MACROD2: variants seen among roughly 807,000 people sequenced by gnomAD.
MACROD2 encodes mono-ADP ribosylhydrolase 2.
A neutral mutation model predicts 70.4 loss-of-function variants in MACROD2; 36 were observed. The ratio of observed to expected loss-of-function variants is 0.51; its 90% CI spans 0.39 to 0.68. The LOEUF is 0.68. MACROD2 is among the 30% of genes least tolerant of loss of function. The probability of loss-of-function intolerance (pLI) is 0.00; values close to 1 mark genes in which losing one functional copy is unlikely to be tolerated. For synonymous variants in MACROD2, 172 were observed against 178.8 expected (o/e 0.96, Z 0.30); for missense variants, 496 against 538.4 (o/e 0.92, Z 0.78).
intron 8 of MACROD2, among the ~76,000 whole-genome samples, chr20:15,582,434 C>T (rs916567379): frequency 6.6e-6 from 1 of 152,148 alleles, no homozygotes; most frequent in Non-Finnish European, 1.5e-5. Context: ...TTGGCATTTT[C>T]CTTGACCTCA....
chr20:14,672,739 G>T (rs2070809750), intron 4 of MACROD2, among the ~76,000 whole-genome samples: 1 of 152,078 alleles, frequency 6.6e-6, no homozygotes, highest in Non-Finnish European at 1.5e-5. Context: ...TGATTTTAAA[G>T]CCCTTTTAAT....
At chr20:15,844,440 A>G (rs1374367294) in intron 8 of MACROD2, among the ~76,000 whole-genome samples, 1 of 152,094 alleles carries the variant, frequency 6.6e-6, no homozygotes. Context: ...ACATTAATTC[A>G]TTTACTCCCC....
Position 14,273,802 on chromosome 20 carries a change from A to G in MACROD2, c.271+188074A>G, listed in dbSNP as rs561993157. On this transcript the variant is annotated intron_variant, in intron 3 of 17. Transcript: ENST00000684519. ...AATCAAATAGATGCAATAAAAAATG[A>G]TAAAGGGGATATCACCACCGATCCC... Among the ~76,000 whole-genome samples the G allele has an allele frequency of 4.6e-5, 7 of 152,308 alleles. No homozygotes were observed. The South Asian group carries it at 1.5e-3, about 32-fold the overall frequency.
At chr20:15,966,656 C>T (rs1414315071) in intron 12 of MACROD2, among the ~76,000 whole-genome samples, 2 of 152,156 alleles carry the variant, frequency 1.3e-5, no homozygotes, top group Admixed American at 6.5e-5. Context: ...ACAGGAGGAT[C>T]GCTTGAGCCC....
intron 8 of MACROD2, among the ~76,000 whole-genome samples, chr20:15,671,086 T>C (rs73105631): frequency 0.08 from 12,251 of 152,274 alleles, 1,000 homozygotes; most frequent in African/African-American, 0.21. Flanking sequence ...GGCTCTATCA[T>C]GCAATGGTTG....
intron 3 of MACROD2, among the ~76,000 whole-genome samples, chr20:14,313,440 T>G (rs1486300266): frequency 6.6e-6 from 1 of 152,002 alleles, no homozygotes; most frequent in Non-Finnish European, 1.5e-5. Context: ...TCCTTTTTTT[T>G]TTTTTTTTGT....
intron 3 of MACROD2, among the ~76,000 whole-genome samples, chr20:14,402,506 T>A (rs2083648055): frequency 6.6e-6 from 1 of 152,114 alleles, no homozygotes; most frequent in Admixed American, 6.6e-5. Context: ...AATGTATGTG[T>A]GTACGTATGT....
intron 8 of MACROD2, among the ~76,000 whole-genome samples, chr20:15,511,457 A>G (rs892851205): frequency 5.3e-5 from 8 of 152,156 alleles, no homozygotes; most frequent in African/African-American, 1.9e-4. Context: ...GGTCTTTAAA[A>G]AAAGGCCCAG....
chr20:14,491,506 A>G (rs910558202), intron 3 of MACROD2, among the ~76,000 whole-genome samples: 2 of 152,222 alleles, frequency 1.3e-5, no homozygotes, highest in Non-Finnish European at 2.9e-5. Flanking sequence ...CGAAGTTAAA[A>G]TATTACTGGA....
At chr20:15,339,423 A>T (rs1478542435) in intron 6 of MACROD2, among the ~76,000 whole-genome samples, 1 of 151,870 alleles carries the variant, frequency 6.6e-6, no homozygotes, top group Non-Finnish European at 1.5e-5. Context: ...CTGGTAAGTC[A>T]TAAGCCCCAG....
chr20:15,967,201 A>G (rs2066153006), intron 12 of MACROD2, among the ~76,000 whole-genome samples: 1 of 152,196 alleles, frequency 6.6e-6, no homozygotes, highest in African/African-American at 2.4e-5. Context: ...CATTAAGAAC[A>G]TTAAAATTAG....
At chr20:14,643,078 T>G (rs1985183363) in intron 4 of MACROD2, among the ~76,000 whole-genome samples, 1 of 152,150 alleles carries the variant, frequency 6.6e-6, no homozygotes, top group Non-Finnish European at 1.5e-5. Context: ...ATTTTTACTG[T>G]TGCATAACAA....
intron 5 of MACROD2, among the ~76,000 whole-genome samples, chr20:15,134,962 A>G (rs1156935125): frequency 1.3e-5 from 2 of 152,342 alleles, no homozygotes; most frequent in East Asian, 3.9e-4. Flanking sequence ...TAGAAAATCT[A>G]GAAGAAATGG....
chr20:14,875,588 A>T (rs573942034), intron 5 of MACROD2, among the ~76,000 whole-genome samples: 1 of 152,066 alleles, frequency 6.6e-6, no homozygotes, highest in East Asian at 1.9e-4. Context: ...CCATCACCCA[A>T]GTAGTGAGCT....
intron 6 of MACROD2, among the ~76,000 whole-genome samples, chr20:15,309,362 G>A (rs2077729195): frequency 6.6e-6 from 1 of 152,122 alleles, no homozygotes; most frequent in Non-Finnish European, 1.5e-5. Context: ...TCTAGCAGGG[G>A]GAAAGGCAGG....
intron 8 of MACROD2, among the ~76,000 whole-genome samples, chr20:15,533,975 G>A (rs1191299916): frequency 1.3e-5 from 2 of 152,188 alleles, no homozygotes; most frequent in Non-Finnish European, 2.9e-5. Context: ...CCACTTCTTG[G>A]CTATGACACC....
At chr20:15,884,613 C>A (rs994576818) in intron 9 of MACROD2, among the ~76,000 whole-genome samples, 1 of 151,908 alleles carries the variant, frequency 6.6e-6, no homozygotes, top group Non-Finnish European at 1.5e-5. Context: ...AAGAGAGGAG[C>A]AGTTAGGAAA....
chr20:15,117,679 G>GTACAGAGA (rs1360574583), intron 5 of MACROD2, among the ~76,000 whole-genome samples: 2 of 152,218 alleles, frequency 1.3e-5, no homozygotes, highest in Non-Finnish European at 2.9e-5. Flanking sequence ...GATCTAAAAG[G>GTACAGAGA]TACAGAGATA....
chr20:15,305,725 C>T (rs1362678908), intron 6 of MACROD2, among the ~76,000 whole-genome samples: 2 of 151,966 alleles, frequency 1.3e-5, no homozygotes, highest in African/African-American at 2.4e-5. Context: ...GTAGCCTTGT[C>T]GTGAATGTAT....
Sources: allele counts gnomAD v4.1 joint callset (sites outside exome capture counted in the v4.1 genomes callset), GRCh38; gene constraint gnomAD v4.1.1; transcripts MANE v1.5; gene names NCBI Gene and HGNC (gene_info 2026-07-23, HGNC 2026-07-21).